RAP1GDS1: variants seen among roughly 807,000 people sequenced by gnomAD.
RAP1GDS1 encodes the protein RAP1, GTP-GDP dissociation stimulator 1.
RAP1GDS1 carries 35 observed loss-of-function variants against 71.1 expected under a neutral mutation model. The ratio of observed to expected loss-of-function variants is 0.49; its 90% CI spans 0.38 to 0.65. The LOEUF (loss-of-function observed/expected upper bound fraction) is 0.65, where lower values mean the gene tolerates loss of function less well. Ranked by LOEUF, RAP1GDS1 falls within the 30% of genes least tolerant of loss-of-function variation. The probability of loss-of-function intolerance (pLI) is 0.00; values close to 1 mark genes in which losing one functional copy is unlikely to be tolerated. For synonymous variants in RAP1GDS1, 229 were observed against 243.1 expected (o/e 0.94, Z 0.54); for missense variants, 663 against 706.1 (o/e 0.94, Z 0.69).
chr4:98,290,315 A>G (rs1046156020), intron 1 of RAP1GDS1, among the ~76,000 whole-genome samples: 9 of 152,122 alleles, frequency 5.9e-5, no homozygotes, highest in Admixed American at 3.9e-4. Context: ...ATGACTTCCT[A>G]GTTTAACATG....
At chr4:98,298,769 A>C (rs1197681575) in intron 2 of RAP1GDS1, among the ~76,000 whole-genome samples, 2 of 152,156 alleles carry the variant, frequency 1.3e-5, no homozygotes, top group African/African-American at 4.8e-5. Context: ...GCCTTATTAT[A>C]CATTTCATAA....
At chr4:98,422,365 G>A (rs554837092) in intron 12 of RAP1GDS1, among the ~76,000 whole-genome samples, 1 of 151,986 alleles carries the variant, frequency 6.6e-6, no homozygotes, top group East Asian at 2.0e-4. Flanking sequence ...TTACAGGCAG[G>A]CGCCACCACA....
At chr4:98,414,984 A>G (rs1252871216) in intron 7 of RAP1GDS1, among the ~76,000 whole-genome samples, 4 of 152,036 alleles carry the variant, frequency 2.6e-5, no homozygotes, top group African/African-American at 7.3e-5. Context: ...AGCAATTGTG[A>G]ATAGGAATTC....
At chr4:98,261,877 G>A (rs1464161222) in intron 1 of RAP1GDS1, among the ~76,000 whole-genome samples, 1 of 152,108 alleles carries the variant, frequency 6.6e-6, no homozygotes, top group Admixed American at 6.5e-5. Flanking sequence ...CACGGAGCCT[G>A]CCTCGCGGGC....
At chr4:98,334,366 G>A (rs1560856139) in intron 2 of RAP1GDS1, among the ~76,000 whole-genome samples, 1 of 152,164 alleles carries the variant, frequency 6.6e-6, no homozygotes, top group East Asian at 1.9e-4. Flanking sequence ...TGAGTTTAGG[G>A]TTAAATATTC....
Position 98,261,477 on chromosome 4 carries a change from G to C in RAP1GDS1, c.-89G>C. The C allele has an allele frequency of 7.3e-7, 1 of 1,372,948 alleles. No homozygotes were observed. The highest frequency in any genetic ancestry group is 9.8e-7 in the Non-Finnish European group (1 of 1,015,544). The allele number at this position is 1,372,948 out of a possible 1,614,324, so 85.0% of individuals were successfully genotyped here. A position where few individuals can be genotyped will look rare whatever the true frequency, so the allele number is the denominator to read the frequency against. ...CGGGTCCCTCCCTGGCTGCGGGAGA[G>C]ACGGAGGTAGAGGGAGGACACAGAG... On this transcript the variant is annotated 5_prime_UTR_variant, in exon 1 of 15. Coordinates refer to ENST00000408927, the MANE Select transcript of RAP1GDS1 (RefSeq NM_001100427.2).
At position 98,298,521 on chromosome 4, in the gene RAP1GDS1, C is replaced by T. The variant is rs368673053; in HGVS notation, c.112+5006C>T. ...TCAGAATGATGCTAAATTTCTCTGC[C>T]TGTTCTCTGAAAATGGAAAACAAAG... On this transcript the variant is annotated intron_variant, in intron 2 of 14. Coordinates refer to ENST00000408927, the MANE Select transcript of RAP1GDS1 (RefSeq NM_001100427.2). Among the ~76,000 whole-genome samples the T allele has an allele frequency of 4.6e-5, 7 of 152,158 alleles. No homozygotes were observed. In the East Asian group the frequency reaches 9.6e-4, roughly 21 times the overall value.
intron 5 of RAP1GDS1, among the ~76,000 whole-genome samples, chr4:98,388,207 C>T (rs1262327760): frequency 6.6e-6 from 1 of 152,166 alleles, no homozygotes; most frequent in African/African-American, 2.4e-5. Flanking sequence ...TAGACTCAAT[C>T]TGGAATGATC....
intron 4 of RAP1GDS1, among the ~76,000 whole-genome samples, chr4:98,368,815 A>G (rs1281289462): frequency 6.6e-6 from 1 of 152,226 alleles, no homozygotes; most frequent in Non-Finnish European, 1.5e-5. Flanking sequence ...TATATAAATC[A>G]GCTAAAGTTC....
chr4:98,274,711 TC>T (rs1246846787), intron 1 of RAP1GDS1, among the ~76,000 whole-genome samples: 1 of 152,128 alleles, frequency 6.6e-6, no homozygotes, highest in Non-Finnish European at 1.5e-5. Context: ...CTCTAACTCT[TC>T]CGTGATTTCA....
In RAP1GDS1 at chr4:98,382,853, A is replaced by G. The variant is rs1742204937; in HGVS notation, c.508+3690A>G. Among the ~76,000 whole-genome samples the G allele has an allele frequency of 3.3e-5, 5 of 151,592 alleles. No individual in the cohort carries two copies. The South Asian group carries it at 1.0e-3, about 31-fold the overall frequency. On this transcript the variant is annotated intron_variant, in intron 5 of 14. Coordinates refer to ENST00000408927, the MANE Select transcript of RAP1GDS1 (RefSeq NM_001100427.2). Reference sequence around the variant, plus strand: ...TTAGAACCATTACAAACTCTTTCCCACTATGTTAGTTGATGTTCCTTATCT... The same window carrying G: ...TTAGAACCATTACAAACTCTTTCCCGCTATGTTAGTTGATGTTCCTTATCT...
chr4:98,413,421 C>T (rs1279647971), intron 7 of RAP1GDS1, among the ~76,000 whole-genome samples: 1 of 151,416 alleles, frequency 6.6e-6, no homozygotes, highest in Admixed American at 6.6e-5. Context: ...CTTCCAGTGT[C>T]CATGTGATCT....
intron 14 of RAP1GDS1, among the ~76,000 whole-genome samples, chr4:98,439,431 C>T (rs1003628685): frequency 6.6e-6 from 1 of 152,170 alleles, no homozygotes; most frequent in African/African-American, 2.4e-5. Context: ...GTTTGCTCAG[C>T]TTCTTGAATT....
intron 3 of RAP1GDS1, among the ~76,000 whole-genome samples, chr4:98,349,588 C>G (rs549822373): frequency 1.3e-5 from 2 of 152,286 alleles, no homozygotes; most frequent in South Asian, 4.2e-4. Flanking sequence ...ACTGATTCGT[C>G]CTATCCACGA....
chr4:98,283,890 C>G (rs1051227218), intron 1 of RAP1GDS1, among the ~76,000 whole-genome samples: 1 of 147,668 alleles, frequency 6.8e-6, no homozygotes, highest in Admixed American at 6.9e-5. Flanking sequence ...AACTAGCTAA[C>G]GTGTTTGGAT....
rs191585306 is a variant in RAP1GDS1, at chr4:98,350,657, G to A, written c.236-1819G>A. Among the ~76,000 whole-genome samples, 38 of 152,284 alleles carry A rather than the reference G, an allele frequency of 2.5e-4. No homozygotes were observed. The East Asian group carries it at 7.3e-3, about 29-fold the overall frequency. On this transcript the variant is annotated intron_variant, in intron 3 of 14. Coordinates refer to ENST00000408927, the MANE Select transcript of RAP1GDS1 (RefSeq NM_001100427.2). ...GTTCAAGACCAGCGTGGCCAACATA[G>A]TGAATCCCCATCTCTACTAAAAATA...
intron 2 of RAP1GDS1, among the ~76,000 whole-genome samples, chr4:98,341,749 G>A (rs917410137): frequency 6.6e-6 from 1 of 151,490 alleles, no homozygotes; most frequent in East Asian, 1.9e-4. Flanking sequence ...ACATTTTCAC[G>A]TGGTTCCTTA....
At chr4:98,368,013 A>G (rs572575601) in intron 4 of RAP1GDS1, among the ~76,000 whole-genome samples, 86 of 152,178 alleles carry the variant, frequency 5.7e-4, no homozygotes, top group Admixed American at 9.2e-4. Flanking sequence ...CGGGGGTGGA[A>G]TGATATGATT....
At chr4:98,370,534 T>C (rs1740205298) in intron 4 of RAP1GDS1, among the ~76,000 whole-genome samples, 1 of 152,066 alleles carries the variant, frequency 6.6e-6, no homozygotes. Flanking sequence ...TTCTCTATGC[T>C]TCTGTAACAC....
Sources: gnomAD v4.1 joint callset for allele counts (sites outside exome capture counted in the v4.1 genomes callset) on GRCh38, gnomAD v4.1.1 for gene constraint, MANE v1.5 for transcripts, NCBI Gene and HGNC (gene_info 2026-07-23, HGNC 2026-07-21) for gene names.